The following TMEM178A variants were observed in gnomAD, a reference collection of about 807,000 sequenced individuals.
TMEM178A encodes transmembrane protein 178A, also known as transmembrane protein 178.
A neutral mutation model predicts 29.1 loss-of-function variants in TMEM178A; 12 were observed. That is an observed-to-expected ratio of 0.41 (90% CI 0.26 to 0.67). The LOEUF (loss-of-function observed/expected upper bound fraction) is 0.67, where lower values mean the gene tolerates loss of function less well. Among genes scored for constraint, TMEM178A ranks in the 30% least tolerant of loss-of-function variants. The probability of loss-of-function intolerance (pLI) is 0.29; values close to 1 mark genes in which losing one functional copy is unlikely to be tolerated. For synonymous variants in TMEM178A, 210 were observed against 187.2 expected, an observed-to-expected ratio of 1.12 and a Z score of -0.99; for missense variants, 366 against 419.1, an observed-to-expected ratio of 0.87 and a Z score of 1.11.
chr2:39,722,097 A>G (rs558288766), downstream of TMEM178A, among the ~76,000 whole-genome samples: 19 of 151,916 alleles, frequency 1.3e-4, no homozygotes, highest in South Asian at 3.1e-3. Flanking sequence ...AGGAAGGAGG[A>G]AGTTGCATAG....
chr2:39,728,151 G>T, the TMEM178A span, among the ~76,000 whole-genome samples: 2 of 152,150 alleles, frequency 1.3e-5, no homozygotes, highest in Admixed American at 1.3e-4. Context: ...GACTTCCACA[G>T]TGGATGAACC....
At chr2:39,699,886 T>C (rs2148094199) in intron 1 of TMEM178A, among the ~76,000 whole-genome samples, 1 of 152,246 alleles carries the variant, frequency 6.6e-6, no homozygotes, top group East Asian at 1.9e-4. Context: ...TAATTTACTC[T>C]AGTGATTTCT....
intron 3 of TMEM178A, among the ~76,000 whole-genome samples, chr2:39,714,259 G>A (rs575620316): frequency 2.6e-5 from 4 of 152,164 alleles, no homozygotes; most frequent in African/African-American, 7.2e-5. Flanking sequence ...GGATTTTTGG[G>A]CTGATAGGCC....
intron 1 of TMEM178A, among the ~76,000 whole-genome samples, chr2:39,693,617 G>C (rs1359481976): frequency 6.6e-6 from 1 of 152,156 alleles, no homozygotes; most frequent in Non-Finnish European, 1.5e-5. Context: ...TCTCCTGCTA[G>C]AGAGGGAAGA....
intron 1 of TMEM178A, among the ~76,000 whole-genome samples, chr2:39,700,385 A>G (rs981934772): frequency 3.9e-5 from 6 of 152,212 alleles, no homozygotes; most frequent in African/African-American, 1.2e-4. Flanking sequence ...TGACTGCTGT[A>G]TCTTCTTGAT....
intron 1 of TMEM178A, among the ~76,000 whole-genome samples, chr2:39,688,004 A>G (rs1046752632): frequency 2.6e-5 from 4 of 152,230 alleles, no homozygotes; most frequent in African/African-American, 7.2e-5. Flanking sequence ...AACAGAGGTA[A>G]CAATAGAACC....
upstream of TMEM178A, chr2:39,665,576 G>A: frequency 5.3e-6 from 1 of 189,678 alleles, no homozygotes; most frequent in South Asian, 1.9e-4. Flanking sequence ...GAGGATGAGG[G>A]CGGCGAGGAG....
At chr2:39,671,505 G>C (rs1670406912) in intron 1 of TMEM178A, among the ~76,000 whole-genome samples, 1 of 152,116 alleles carries the variant, frequency 6.6e-6, no homozygotes, top group South Asian at 2.1e-4. Context: ...GCTGGTAAAA[G>C]GGATTCCTCA....
intron 3 of TMEM178A, among the ~76,000 whole-genome samples, chr2:39,713,156 C>T (rs1387254390): frequency 6.6e-6 from 1 of 152,170 alleles, no homozygotes; most frequent in African/African-American, 2.4e-5. Context: ...TTCCTGACCA[C>T]ATCAATGTTG....
At chr2:39,674,480 T>A (rs540806781) in intron 1 of TMEM178A, among the ~76,000 whole-genome samples, 1 of 152,262 alleles carries the variant, frequency 6.6e-6, no homozygotes, top group African/African-American at 2.4e-5. Flanking sequence ...CTCAAAGGCA[T>A]AAGAATGATA....
chr2:39,707,147 T>C lies in TMEM178A; in HGVS notation c.613T>C (p.Leu205=). The C allele has an allele frequency of 1.2e-6, 2 of 1,614,158 alleles. No individual in the cohort carries two copies. The highest frequency in any genetic ancestry group is 1.7e-6 in the Non-Finnish European group (2 of 1,180,012). ...ATVSFFWEES[L]TQHVAGLLFL... ...AGTCAGTTTCTTCTGGGAGGAGAGC[T>C]TGACCCAGCACGTGGCTGGACTCCT... The change falls in exon 3 of 4, where the codon TTG becomes CTG. Residue 205 remains leucine, a synonymous_variant. Transcript: ENST00000281961.
At chr2:39,666,858 A>G (rs1364072333) in intron 1 of TMEM178A, among the ~76,000 whole-genome samples, 1 of 152,214 alleles carries the variant, frequency 6.6e-6, no homozygotes, top group African/African-American at 2.4e-5. Flanking sequence ...CGACCTCCGA[A>G]GAGAGGGAAG....
rs1286481152 is a variant in TMEM178A, at chr2:39,712,009, A to G, written c.652+4823A>G. Among the ~76,000 whole-genome samples the G allele has an allele frequency of 2.1e-5, 3 of 146,284 alleles. No individual in the cohort carries two copies. In the Admixed American group the frequency reaches 2.1e-4, roughly 10 times the overall value. The stretch of plus-strand genomic sequence containing the variant: ...GATTGCTTCAATCTTTCAGAAAATG[A>G]TTGGATGCTTTTGGGATTTAGGAAT... On this transcript the variant is annotated intron_variant, in intron 3 of 3. Transcript: ENST00000281961.
At chr2:39,708,453 C>T (rs1458553187) in intron 3 of TMEM178A, among the ~76,000 whole-genome samples, 2 of 116,062 alleles carry the variant, frequency 1.7e-5, no homozygotes, top group Non-Finnish European at 3.3e-5. Context: ...GAGTTTCGCT[C>T]TGTCGCCCAG....
chr2:39,680,039 C>T (rs1670801115), intron 1 of TMEM178A, among the ~76,000 whole-genome samples: 2 of 152,102 alleles, frequency 1.3e-5, no homozygotes, highest in African/African-American at 4.8e-5. Context: ...CAATCTTCCT[C>T]CTAACAAGTT....
At chr2:39,701,504 A>G (rs576807892) in intron 1 of TMEM178A, among the ~76,000 whole-genome samples, 1 of 152,114 alleles carries the variant, frequency 6.6e-6, no homozygotes, top group East Asian at 1.9e-4. Context: ...CAACAGTTTG[A>G]TTATGATATA....
Position 39,708,901 on chromosome 2 carries a change from G to T in TMEM178A, c.652+1715G>T, listed in dbSNP as rs940754544. 9.2e-5 allele frequency among the ~76,000 whole-genome samples: 14 copies of T among 152,270 alleles called. No individual in the cohort carries two copies. The East Asian group carries it at 9.7e-4, about 11-fold the overall frequency. ...TTCTCCTCCTTCACAGAAAACTCGTGTATTAATGATTAGTGAATGCCACAT... is the reference window on the plus strand; with the variant it reads ...TTCTCCTCCTTCACAGAAAACTCGTTTATTAATGATTAGTGAATGCCACAT... On this transcript the variant is annotated intron_variant, in intron 3 of 3. Transcript: ENST00000281961.
At chr2:39,706,192 A>C (rs1174712055) in intron 2 of TMEM178A, among the ~76,000 whole-genome samples, 1 of 152,094 alleles carries the variant, frequency 6.6e-6, no homozygotes, top group Non-Finnish European at 1.5e-5. Flanking sequence ...AAAGAGCTGG[A>C]TTTCTGGCTC....
At chr2:39,719,193 T>G (rs550589874), downstream of TMEM178A, among the ~76,000 whole-genome samples, 16 of 152,330 alleles carry the variant, frequency 1.1e-4, no homozygotes, top group African/African-American at 3.4e-4. Flanking sequence ...AAGGGTCAAT[T>G]ATTTTCAAAG....
Sources: allele counts gnomAD v4.1 joint callset (sites outside exome capture counted in the v4.1 genomes callset), GRCh38; gene constraint gnomAD v4.1.1; transcripts MANE v1.5; gene names NCBI Gene and HGNC (gene_info 2026-07-23, HGNC 2026-07-21).